BACH1: variants seen among roughly 807,000 people sequenced by gnomAD.
BACH1 encodes the protein BTB domain and CNC homolog 1, also known as transcription regulator protein BACH1.
BACH1 carries 35 observed loss-of-function variants against 52.9 expected under a neutral mutation model. The ratio of observed to expected loss-of-function variants is 0.66; its 90% CI spans 0.51 to 0.88. The LOEUF (loss-of-function observed/expected upper bound fraction) is 0.88. Among genes scored for constraint, BACH1 ranks in the 40% least tolerant of loss-of-function variants. The pLI is 0.00. For missense variants in BACH1, 808 were observed against 872.6 expected (o/e 0.93, Z 0.93); for synonymous variants, 321 against 319.6 (o/e 1.00, Z -0.05).
chr21:29,305,835 G>C (rs1422353850), intron 1 of BACH1, among the ~76,000 whole-genome samples: 1 of 152,152 alleles, frequency 6.6e-6, no homozygotes, highest in African/African-American at 2.4e-5. Context: ...TTAGGCATTT[G>C]GTTTACATTT....
intron 1 of BACH1, chr21:29,299,678 T>C (rs1372422234): frequency 1.3e-5 from 2 of 152,260 alleles, no homozygotes; most frequent in African/African-American, 4.8e-5. Flanking sequence ...TTCTCATTCT[T>C]ACACGGCAGT....
intron 2 of BACH1, among the ~76,000 whole-genome samples, chr21:29,325,665 A>G (rs538611581): frequency 6.6e-6 from 1 of 152,234 alleles, no homozygotes; most frequent in Non-Finnish European, 1.5e-5. Context: ...TGTTTGGAAT[A>G]CAGTGGCCAT....
At chr21:29,316,620 T>G (rs1223836469) in intron 1 of BACH1, among the ~76,000 whole-genome samples, 1 of 152,192 alleles carries the variant, frequency 6.6e-6, no homozygotes, top group African/African-American at 2.4e-5. Flanking sequence ...CTGATGTAGT[T>G]GTTACGTAGT....
At chr21:29,340,942 A>G (rs1055890313) in intron 4 of BACH1, among the ~76,000 whole-genome samples, 11 of 151,530 alleles carry the variant, frequency 7.3e-5, no homozygotes, top group African/African-American at 2.7e-4. Context: ...CACATACTTA[A>G]CACGCACATT....
chr21:29,327,318 T>C lies in BACH1; in HGVS notation c.1494T>C (p.Ile498=). ...AACCTTGCCCATATGCTTGTGTCAT[T>C]AGCTTGGGAGACGACTCTGAGACGG... is the stretch of plus-strand genomic sequence containing the variant. ...QQEPCPYACV[I]SLGDDSETDT... The change falls in exon 3 of 5, where the codon ATT becomes ATC. Residue 498 remains isoleucine, a synonymous_variant. Transcript: ENST00000286800. 1.2e-6 allele frequency: 2 copies of C among 1,614,192 alleles called. No individual in the cohort carries two copies. Among genetic ancestry groups the C allele is most frequent in the Non-Finnish European group, 1.7e-6 (2 of 1,180,038 alleles).
intron 4 of BACH1, among the ~76,000 whole-genome samples, chr21:29,337,047 C>G (rs2089053560): frequency 6.6e-6 from 1 of 152,082 alleles, no homozygotes; most frequent in East Asian, 1.9e-4. Context: ...TTTTCTGATT[C>G]AATTTGTTAG....
chr21:29,306,007 A>G (rs983314035), intron 1 of BACH1, among the ~76,000 whole-genome samples: 17 of 152,220 alleles, frequency 1.1e-4, no homozygotes, highest in Non-Finnish European at 2.2e-4. Context: ...ACAGACTATT[A>G]AAAGCCTAAG....
rs2088707597 is a variant in BACH1, at chr21:29,310,431, C to G, written c.-60-10790C>G. On this transcript the variant is annotated intron_variant, in intron 1 of 4. Transcript: ENST00000286800. ...TGGTGATGGTGATGAGGGTGGCAAC[C>G]AAGATTTCTGGACATACTGAATTGG... Among the ~76,000 whole-genome samples, 3 of 152,188 alleles carry G rather than the reference C, an allele frequency of 2.0e-5. No homozygotes were observed. In the South Asian group the frequency reaches 6.2e-4, roughly 32 times the overall value.
chr21:29,306,352 A>G (rs2123406766), intron 1 of BACH1, among the ~76,000 whole-genome samples: 1 of 152,060 alleles, frequency 6.6e-6, no homozygotes, highest in South Asian at 2.1e-4. Context: ...GTTTCCTGGA[A>G]GAAGACACAC....
At chr21:29,311,072 T>C (rs1014297900) in intron 1 of BACH1, among the ~76,000 whole-genome samples, 1 of 152,222 alleles carries the variant, frequency 6.6e-6, no homozygotes, top group Non-Finnish European at 1.5e-5. Flanking sequence ...GAACCAGTGC[T>C]CTAGTGATTT....
Position 29,321,391 on chromosome 21 carries a change from C to A in BACH1, c.111C>A (p.Thr37=). The change falls in exon 2 of 5, where the codon ACC becomes ACA. Residue 37 remains threonine, a synonymous_variant. Coordinates refer to ENST00000286800, the MANE Select transcript of BACH1 (RefSeq NM_001186.4). Reference sequence around the variant, plus strand: ...AGAAAGATGTGCTGTGCGATGTCACCATCTTTGTGGAGGGACAGCGGTTCC... The same window carrying A: ...AGAAAGATGTGCTGTGCGATGTCACAATCTTTGTGGAGGGACAGCGGTTCC... ...QRKKDVLCDV[T]IFVEGQRFRA... The A allele has an allele frequency of 6.2e-7, 1 of 1,614,246 alleles. No individual in the cohort carries two copies. The highest frequency in any genetic ancestry group is 1.1e-5 in the South Asian group (1 of 91,090).
chr21:29,356,067 A>G (rs2089232728), intron 2 of BACH1, among the ~76,000 whole-genome samples: 1 of 152,160 alleles, frequency 6.6e-6, no homozygotes, highest in African/African-American at 2.4e-5. Flanking sequence ...CTTGCAAACT[A>G]TCTGAGAAAT....
In BACH1 at chr21:29,326,364, G is replaced by C; in HGVS notation, c.540G>C (p.Gln180His). Residue 180 changes from glutamine to histidine, a missense_variant, in exon 3 of 5, where the codon CAG (glutamine) becomes CAC (histidine). Physicochemically the swap from Gln to His is conservative, Grantham distance 24. Transcript: ENST00000286800. ...VEEFLENKNV[Q>H]TPQCKLRRYQ... ...AATTTCTGGAAAATAAAAATGTTCA[G>C]ACTCCTCAGTGTAAACTCCGCAGGT... 1 of 1,614,172 alleles carries C rather than the reference G, an allele frequency of 6.2e-7. No homozygotes were observed. The highest frequency in any genetic ancestry group is 8.5e-7 in the Non-Finnish European group (1 of 1,180,032).
intron 2 of BACH1, among the ~76,000 whole-genome samples, chr21:29,358,180 C>T (rs1191441684): frequency 1.3e-5 from 2 of 152,180 alleles, no homozygotes; most frequent in African/African-American, 2.4e-5. Flanking sequence ...AGCAATTCAG[C>T]GTAAAAGTGA....
intron 2 of BACH1, among the ~76,000 whole-genome samples, chr21:29,360,555 C>T (rs1163405946): frequency 3.3e-5 from 5 of 152,118 alleles, no homozygotes; most frequent in African/African-American, 7.2e-5. Context: ...CTCATTAAGA[C>T]TGCATCTGGC....
chr21:29,342,674 C>T lies in BACH1; in HGVS notation c.2052C>T (p.Ala684=), dbSNP rs61735775. Reference sequence around the variant, plus strand: ...CTCCAGCAGTGCTGCCTCCCTGTGCCAGAGGAAACAGTGAGCCTGGCTACG... The same window carrying T: ...CTCCAGCAGTGCTGCCTCCCTGTGCTAGAGGAAACAGTGAGCCTGGCTACG... ...DRPPAVLPPC[A]RGNSEPGYAR... Residue 684 remains alanine, a synonymous_variant, in exon 5 of 5, where the codon GCC becomes GCT. Transcript: ENST00000286800. 170 of 1,614,228 alleles carry T rather than the reference C, an allele frequency of 1.1e-4. 1 individual carries two copies. The African/African-American group carries it at 2.2e-3, about 21-fold the overall frequency.
intron 2 of BACH1, chr21:29,361,619 G>A (rs1266764304): frequency 6.6e-6 from 1 of 152,144 alleles, no homozygotes; most frequent in Non-Finnish European, 1.5e-5. Context: ...CAGAGCTGTT[G>A]GTCAGGAGAT....
Position 29,345,259 on chromosome 21 carries a change from A to G in BACH1, c.*2426A>G, listed in dbSNP as rs2089157163. ...TATGCCTATTTTAACATTAACTTCT[A>G]AAGAAGTTTTTTCTAAGAAAATGTT... On this transcript the variant is annotated 3_prime_UTR_variant, in exon 5 of 5. Transcript: ENST00000286800. 6.6e-6 allele frequency: 1 copy of G among 152,482 alleles called. No homozygotes were observed. Among genetic ancestry groups the G allele is most frequent in the Admixed American group, 6.6e-5 (1 of 15,234 alleles). 9.4% of individuals were successfully genotyped at this position (152,482 alleles called of 1,614,324 possible).
chr21:29,317,715 G>A (rs1035713973), intron 1 of BACH1, among the ~76,000 whole-genome samples: 4 of 152,102 alleles, frequency 2.6e-5, no homozygotes, highest in African/African-American at 9.7e-5. Context: ...GGGTCAAGAG[G>A]GGCTTTAGGG....
Sources: gnomAD v4.1 joint callset for allele counts (sites outside exome capture counted in the v4.1 genomes callset) on GRCh38, gnomAD v4.1.1 for gene constraint, MANE v1.5 for transcripts, NCBI Gene and HGNC (gene_info 2026-07-23, HGNC 2026-07-21) for gene names.